Variants in NLRP2 observed in about 807,000 individuals in gnomAD.
NLRP2 encodes the protein NACHT, LRR and PYD domains-containing protein 2.
In NLRP2, 107 loss-of-function variants were observed where a neutral mutation model predicts 97.2. The observed-to-expected ratio is 1.10, with a 90% CI of 0.94 to 1.29. NLRP2 has a LOEUF of 1.29. Ranked by LOEUF, NLRP2 falls within the 50% of genes most tolerant of loss-of-function variation. NLRP2 has a pLI of 0.00. For synonymous variants in NLRP2, 663 were observed against 551.5 expected, an observed-to-expected ratio of 1.20 and a Z score of -2.83; for missense variants, 1,495 against 1,330.3, an observed-to-expected ratio of 1.12 and a Z score of -1.93.
chr19:54,998,637 T>C (rs1408068548), intron 12 of NLRP2, among the ~76,000 whole-genome samples: 1 of 125,408 alleles, frequency 8.0e-6, no homozygotes, highest in African/African-American at 3.0e-5. Flanking sequence ...TTTCCTTTTT[T>C]TTTTTTTTTT....
chr19:54,992,498 TTGTGTGTG>T (rs994495891), intron 10 of NLRP2, among the ~76,000 whole-genome samples: 60 of 141,182 alleles, frequency 4.2e-4, no homozygotes, highest in African/African-American at 1.5e-3. Context: ...GTTTTTTTGG[TTGTGTGTG>T]TGTGTGGTGT....
chr19:54,998,657 ATCATTCT>A (rs2072998610), intron 12 of NLRP2, among the ~76,000 whole-genome samples: 1 of 29,752 alleles, frequency 3.4e-5, no homozygotes, highest in Admixed American at 3.6e-4. Flanking sequence ...TTTTTTATTG[ATCATTCT>A]TGGGTGTTTC....
intron 1 of NLRP2, 83 bp from the exon 2 acceptor site, chr19:54,969,916 T>A (rs1021531748): frequency 1.4e-6 from 2 of 1,380,096 alleles, no homozygotes; most frequent in Non-Finnish European, 2.1e-6. Context: ...AGTGTCCTTG[T>A]TCGTGGCACA....
intron 2 of NLRP2, chr19:54,974,105 C>G (rs764551910): frequency 2.5e-6 from 2 of 800,608 alleles, no homozygotes; most frequent in South Asian, 1.3e-5. Flanking sequence ...CCTGTAATCC[C>G]AACACTTTGG....
chr19:54,993,179 A>AG (rs2072598153), intron 10 of NLRP2: 1 of 149,368 alleles, frequency 6.7e-6, no homozygotes, highest in Admixed American at 6.8e-5. Flanking sequence ...AGATTGTGCC[A>AG]CTGTACTCCA....
At chr19:54,979,337 T>C (rs1176360056) in intron 4 of NLRP2, among the ~76,000 whole-genome samples, 2 of 152,004 alleles carry the variant, frequency 1.3e-5, no homozygotes, top group African/African-American at 4.8e-5. Context: ...CTTATCTTCC[T>C]GGTAGCATTT....
At chr19:54,974,578 T>C (rs908451545) in intron 3 of NLRP2, 34 bp downstream of exon 3, 12 of 1,413,450 alleles carry the variant, frequency 8.5e-6, no homozygotes, top group East Asian at 4.6e-5. Flanking sequence ...TTATTCTTCA[T>C]GTGAGATCTG....
At position 54,983,530 on chromosome 19, in the gene NLRP2, A is replaced by C; in HGVS notation, c.1832A>C (p.Glu611Ala). The C allele has an allele frequency of 6.2e-7, 1 of 1,614,190 alleles. No individual in the cohort carries two copies. Among genetic ancestry groups the C allele is most frequent in the African/African-American group, 1.3e-5 (1 of 75,058 alleles). ...DLQELLGCLY[E>A]SQEEELVKEV... ...CAGGAGCTCCTCGGCTGTCTGTACG[A>C]GTCTCAGGAGGAGGAGCTGGTGAAG... is the stretch of plus-strand genomic sequence containing the variant. Residue 611 changes from glutamate to alanine, a missense_variant, in exon 6 of 13, where the codon GAG becomes GCG. By Grantham distance (107) the Glu-to-Ala change is moderately radical (BLOSUM62 -1). Coordinates refer to ENST00000448584, the MANE Select transcript of NLRP2 (RefSeq NM_017852.5).
At chr19:54,989,528 G>A (rs548316554) in intron 8 of NLRP2, 69 of 225,400 alleles carry the variant, frequency 3.1e-4, no homozygotes, top group Admixed American at 7.8e-4. Context: ...CAACATTAGA[G>A]TCAGATTGAC....
At chr19:54,980,330 G>C (rs528957077) in intron 4 of NLRP2, among the ~76,000 whole-genome samples, 2 of 151,836 alleles carry the variant, frequency 1.3e-5, no homozygotes, top group Non-Finnish European at 2.9e-5. Context: ...CCAGTAGCTG[G>C]GACTACAGGC....
chr19:54,974,192 A>G (rs2071051435), intron 2 of NLRP2: 2 of 580,474 alleles, frequency 3.4e-6, no homozygotes, highest in African/African-American at 1.9e-5. Flanking sequence ...CATCTCTACT[A>G]AAAATACAAA....
At position 54,982,979 on chromosome 19, in the gene NLRP2, G is replaced by A. The variant is rs941936994; in HGVS notation, c.1281G>A (p.Gly427=). The change falls in exon 6 of 13, where the codon GGG becomes GGA. Residue 427 remains glycine (G), a synonymous_variant. Transcript: ENST00000448584. ...DPVPTCLTRT[G]LFLRFLCSRF... ...TCCCCACCTGCCTCACCCGCACGGG[G>A]CTGTTCCTGCGTTTCCTCTGCAGCC... 7 of 1,610,980 alleles carry A rather than the reference G, an allele frequency of 4.3e-6. No homozygotes were observed. Among genetic ancestry groups the A allele is most frequent in the African/African-American group, 2.7e-5 (2 of 74,864 alleles).
chr19:54,992,907 C>T (rs1252043367), intron 10 of NLRP2, among the ~76,000 whole-genome samples: 2 of 152,028 alleles, frequency 1.3e-5, no homozygotes, highest in African/African-American at 4.8e-5. Flanking sequence ...AAGTTGTCAA[C>T]TTCCCTTTAG....
intron 12 of NLRP2, among the ~76,000 whole-genome samples, chr19:54,999,315 T>C (rs1280234340): frequency 1.3e-5 from 2 of 152,018 alleles, no homozygotes; most frequent in African/African-American, 4.8e-5. Context: ...ACCTGGCTAA[T>C]CTTGTATTTT....
intron 11 of NLRP2, among the ~76,000 whole-genome samples, chr19:54,994,945 A>G (rs1303524967): frequency 6.6e-6 from 1 of 151,570 alleles, no homozygotes; most frequent in African/African-American, 2.4e-5. Context: ...TGCAAAGAAC[A>G]CCTGTGAAAT....
At position 54,984,485 on chromosome 19, in the gene NLRP2, C is replaced by CTTTTTTTTTTTTTTTTTTT. The variant is rs36061621; in HGVS notation, c.2031-547_2031-546insTTTTTTTTTTTTTTTTTTT. Among the ~76,000 whole-genome samples, 125 of 76,912 alleles carry CTTTTTTTTTTTTTTTTTTT rather than the reference C, an allele frequency of 1.6e-3. 22 individuals are homozygous for CTTTTTTTTTTTTTTTTTTT. The highest frequency in any genetic ancestry group is 8.5e-3 in the African/African-American group (112 of 13,232). 50.5% of individuals were successfully genotyped at this position (76,912 alleles called of 152,430 possible). On this transcript the variant is annotated intron_variant, in intron 6 of 12. Coordinates refer to ENST00000448584, the MANE Select transcript of NLRP2 (RefSeq NM_017852.5). ...ATGTATAGATATGTATATTCCCAAT[C>CTTTTTTTTTTTTTTTTTTT]TTTTTTTTTTTTTTTGAGACGGAGT... is the stretch of plus-strand genomic sequence containing the variant.
At chr19:54,967,170 ATCTTT>A in intron 1 of NLRP2, among the ~76,000 whole-genome samples, 1 of 151,996 alleles carries the variant, frequency 6.6e-6, no homozygotes, top group South Asian at 2.1e-4. Context: ...CCCGGCCTAA[ATCTTT>A]TCTTCTGTTA....
chr19:54,981,511 C>CCCT, intron 4 of NLRP2, 106 bp from the exon 5 acceptor site: 1 of 265,228 alleles, frequency 3.8e-6, no homozygotes. Flanking sequence ...GATCCCGTGC[C>CCCT]CCCCCTCCCC....
At chr19:54,999,475 G>A (rs775684771) in intron 12 of NLRP2, among the ~76,000 whole-genome samples, 4 of 152,116 alleles carry the variant, frequency 2.6e-5, no homozygotes, top group Non-Finnish European at 5.9e-5. Flanking sequence ...CTGGTACTCC[G>A]GGGTCCACTG....
Sources: allele counts gnomAD v4.1 joint callset (sites outside exome capture counted in the v4.1 genomes callset), GRCh38; gene constraint gnomAD v4.1.1; transcripts MANE v1.5; gene names NCBI Gene and HGNC (gene_info 2026-07-23, HGNC 2026-07-21).